The following CDH12 variants were observed in gnomAD, a reference collection of about 807,000 sequenced individuals.
The protein encoded by CDH12 is cadherin 12, also known as cadherin-12.
CDH12 carries 41 observed loss-of-function variants against 74.1 expected under a neutral mutation model. That is an observed-to-expected ratio of 0.55 (90% CI 0.43 to 0.72). The LOEUF (loss-of-function observed/expected upper bound fraction) is 0.72. Ranked by LOEUF, CDH12 falls within the 30% of genes least tolerant of loss-of-function variation. The probability of loss-of-function intolerance (pLI) is 0.00; values close to 1 mark genes in which losing one functional copy is unlikely to be tolerated. For missense variants in CDH12, 945 were observed against 977.2 expected (o/e 0.97, Z 0.44); for synonymous variants, 399 against 355.0 (o/e 1.12, Z -1.39).
intron 1 of CDH12, among the ~76,000 whole-genome samples, chr5:22,594,754 T>C (rs1736517667): frequency 6.6e-6 from 1 of 152,166 alleles, no homozygotes; most frequent in South Asian, 2.1e-4. Context: ...GACGAAATGA[T>C]TTGTTTATTG....
Position 22,808,697 on chromosome 5 carries a change from C to T in CDH12, c.-523+44361G>A, listed in dbSNP as rs184669559. ...CTCAGCTCACTGCAACTTCTGCTCC[C>T]GGGTTCAAGCGAATCTCCTGCCTCA... On this transcript the variant is annotated intron_variant, in intron 1 of 14. Transcript: ENST00000382254. 2.1e-3 allele frequency among the ~76,000 whole-genome samples: 316 copies of T among 147,292 alleles called. 1 individual carries two copies. The highest frequency in any genetic ancestry group is 7.4e-3 in the African/African-American group (297 of 39,948).
At chr5:22,778,368 G>GA (rs1320140627) in intron 1 of CDH12, among the ~76,000 whole-genome samples, 3 of 152,094 alleles carry the variant, frequency 2.0e-5, no homozygotes, top group Non-Finnish European at 4.4e-5. Flanking sequence ...AAGGAAGAAA[G>GA]AAAATCTACA....
chr5:22,628,058 T>C (rs980070494), intron 1 of CDH12, among the ~76,000 whole-genome samples: 12 of 152,150 alleles, frequency 7.9e-5, no homozygotes, highest in Non-Finnish European at 1.3e-4. Flanking sequence ...TTAACTATCC[T>C]AAATATACAT....
chr5:22,758,710 T>C (rs1002572925), intron 1 of CDH12, among the ~76,000 whole-genome samples: 1 of 152,218 alleles, frequency 6.6e-6, no homozygotes, highest in Non-Finnish European at 1.5e-5. Flanking sequence ...CAAATGTTTG[T>C]CCATCTACTG....
Position 21,760,675 on chromosome 5 carries a change from T to C in CDH12, c.1516A>G (p.Ile506Val), listed in dbSNP as rs566267175. 1.9e-6 allele frequency: 3 copies of C among 1,555,114 alleles called. No homozygotes were observed. The highest frequency in any genetic ancestry group is 1.1e-5 in the South Asian group (1 of 89,708). Residue 506 changes from isoleucine to valine, a missense_variant and splice_region_variant, in exon 13 of 15, where the codon ATA becomes GTA. Ile to Val is a conservative substitution (Grantham distance 29, BLOSUM62 3). Transcript: ENST00000382254. ...TCTGCAGCACTGACTATCTGAATTATCTGCAACAGAGTTGAGATTAAAGTC... is the reference window on the plus strand; with the variant it reads ...TCTGCAGCACTGACTATCTGAATTACCTGCAACAGAGTTGAGATTAAAGTC... ...AVCENAKPGQIIQIVSAADRD... is the reference protein window; with the variant it reads ...AVCENAKPGQVIQIVSAADRD...
In CDH12 at chr5:21,783,265, C is replaced by T. The variant is rs73054922; in HGVS notation, c.1393+93G>A. On this transcript the variant is annotated intron_variant, in intron 11 of 14. Transcript: ENST00000382254. ...CCGCGAGACCACTCAGCTGTCAGTC[C>T]AAAAATGAAAAACATCTCAGCAGGG... The T allele has an allele frequency of 3.4e-3, 4,034 of 1,172,218 alleles. 100 individuals are homozygous for T. In the African/African-American group the frequency reaches 0.053, roughly 15 times the overall value. 72.6% of individuals were successfully genotyped at this position (1,172,218 alleles called of 1,614,324 possible). A position where few individuals can be genotyped will look rare whatever the true frequency, so the allele number is the denominator to read the frequency against.
At chr5:21,990,473 A>G (rs1414219297) in intron 5 of CDH12, among the ~76,000 whole-genome samples, 3 of 151,974 alleles carry the variant, frequency 2.0e-5, no homozygotes, top group Admixed American at 1.3e-4. Context: ...GTAGACTATA[A>G]TATTTATATC....
intron 1 of CDH12, among the ~76,000 whole-genome samples, chr5:22,697,838 G>T (rs1396227921): frequency 6.6e-6 from 1 of 151,984 alleles, no homozygotes; most frequent in Non-Finnish European, 1.5e-5. Flanking sequence ...AAAAGAAAGA[G>T]ATACCTGAGA....
intron 1 of CDH12, among the ~76,000 whole-genome samples, chr5:22,507,725 C>T (rs923377124): frequency 2.6e-5 from 4 of 152,140 alleles, no homozygotes; most frequent in Non-Finnish European, 5.9e-5. Context: ...GTGGCTGTGA[C>T]AAGTAATTAC....
rs748793162 is a variant in CDH12, at chr5:22,296,778, T to C, written c.-332-84135A>G. Reference sequence around the variant, plus strand: ...TTTCAGAGCTTACAAATGATTTCAGTAAAACCTTTCTAAGCAATAAAGTTT... The same window carrying C: ...TTTCAGAGCTTACAAATGATTTCAGCAAAACCTTTCTAAGCAATAAAGTTT... On this transcript the variant is annotated intron_variant, in intron 3 of 14. Coordinates refer to ENST00000382254, the MANE Select transcript of CDH12 (RefSeq NM_004061.5). Among the ~76,000 whole-genome samples the C allele has an allele frequency of 3.4e-4, 51 of 152,198 alleles. 1 individual carries two copies. Among genetic ancestry groups the C allele is most frequent in the South Asian group, 1.9e-3 (9 of 4,828 alleles).
intron 1 of CDH12, among the ~76,000 whole-genome samples, chr5:22,787,487 A>G (rs1307733763): frequency 6.6e-6 from 1 of 152,190 alleles, no homozygotes; most frequent in Non-Finnish European, 1.5e-5. Context: ...GTGCCAAAAA[A>G]GACATGGTGT....
At chr5:22,618,603 T>C (rs1005245523) in intron 1 of CDH12, among the ~76,000 whole-genome samples, 3 of 152,136 alleles carry the variant, frequency 2.0e-5, no homozygotes, top group African/African-American at 7.2e-5. Flanking sequence ...AAGTCTTACA[T>C]TTCCTGTATA....
At position 22,074,862 on chromosome 5, in the gene CDH12, G is replaced by T. The variant is rs186890618; in HGVS notation, c.231+3584C>A. The stretch of plus-strand genomic sequence containing the variant: ...TAGGAACACTTTTACACTGTTGGTG[G>T]GACTGTAAACTAGTTCAACCATTGT... On this transcript the variant is annotated intron_variant, in intron 5 of 14. Transcript: ENST00000382254. Among the ~76,000 whole-genome samples, 1,099 of 152,080 alleles carry T rather than the reference G, an allele frequency of 7.2e-3. 12 individuals carry two copies. Among genetic ancestry groups the T allele is most frequent in the African/African-American group, 0.025 (1,055 of 41,498 alleles).
chr5:22,763,425 A>G (rs1184592191), intron 1 of CDH12, among the ~76,000 whole-genome samples: 1 of 151,970 alleles, frequency 6.6e-6, no homozygotes, highest in Non-Finnish European at 1.5e-5. Context: ...ACATAATTTA[A>G]TTAACATAAC....
intron 7 of CDH12, among the ~76,000 whole-genome samples, chr5:21,844,347 T>TC (rs1750040106): frequency 7.0e-6 from 1 of 142,380 alleles, no homozygotes; most frequent in South Asian, 2.3e-4. Flanking sequence ...AGATTTCAAC[T>TC]CCAAAAAAAA....
At chr5:22,317,250 G>A (rs550597377) in intron 3 of CDH12, among the ~76,000 whole-genome samples, 2 of 151,900 alleles carry the variant, frequency 1.3e-5, no homozygotes, top group African/African-American at 2.4e-5. Flanking sequence ...CCTGGGAGGC[G>A]GAGATTGCAG....
At chr5:22,678,045 G>GGCA (rs1554058350) in intron 1 of CDH12, among the ~76,000 whole-genome samples, 5 of 19,564 alleles carry the variant, frequency 2.6e-4, no homozygotes, top group African/African-American at 6.9e-4. Flanking sequence ...CCATCCTCAT[G>GGCA]GGGGGGGGGG....
intron 1 of CDH12, among the ~76,000 whole-genome samples, chr5:22,568,002 A>G (rs1739372890): frequency 1.3e-5 from 2 of 152,220 alleles, no homozygotes; most frequent in African/African-American, 2.4e-5. Flanking sequence ...AGTGTTTACA[A>G]CACACACAAT....
At chr5:22,749,080 A>G (rs993649105) in intron 1 of CDH12, among the ~76,000 whole-genome samples, 5 of 152,216 alleles carry the variant, frequency 3.3e-5, no homozygotes, top group Non-Finnish European at 7.3e-5. Context: ...AACTTCAAGG[A>G]GGGGCTAATT....
Sources: gnomAD v4.1 joint callset for allele counts (sites outside exome capture counted in the v4.1 genomes callset) on GRCh38, gnomAD v4.1.1 for gene constraint, MANE v1.5 for transcripts, NCBI Gene and HGNC (gene_info 2026-07-23, HGNC 2026-07-21) for gene names.